TRPM3: variants seen among roughly 807,000 people sequenced by gnomAD.
TRPM3 encodes transient receptor potential cation channel subfamily M member 3, also known as long transient receptor potential channel 3.
Under a neutral mutation model 181.2 loss-of-function variants are expected in TRPM3, and 77 were observed. The ratio of observed to expected loss-of-function variants is 0.42; its 90% CI spans 0.35 to 0.51. The LOEUF (loss-of-function observed/expected upper bound fraction) is 0.51. Among genes scored for constraint, TRPM3 ranks in the 20% least tolerant of loss-of-function variants. The pLI, the probability that TRPM3 is intolerant of heterozygous loss-of-function variation, is 0.01. For synonymous variants in TRPM3, 745 were observed against 796.4 expected, an observed-to-expected ratio of 0.94 and a Z score of 1.09; for missense variants, 1,759 against 2,196.7, an observed-to-expected ratio of 0.80 and a Z score of 3.98.
intron 1 of TRPM3, among the ~76,000 whole-genome samples, chr9:71,104,195 T>G (rs2068996976): frequency 6.6e-6 from 1 of 152,134 alleles, no homozygotes; most frequent in Non-Finnish European, 1.5e-5. Context: ...GGATTACAGG[T>G]GTGAATCACC....
At chr9:71,110,784 A>G (rs1416813177) in intron 1 of TRPM3, among the ~76,000 whole-genome samples, 2 of 152,230 alleles carry the variant, frequency 1.3e-5, no homozygotes, top group Non-Finnish European at 2.9e-5. Context: ...TGCTGAAATT[A>G]ATGACTAAAA....
Position 70,965,954 on chromosome 9 carries a change from G to A in TRPM3, c.178-101443C>T, listed in dbSNP as rs114191795. On this transcript the variant is annotated intron_variant, in intron 1 of 25. Transcript: ENST00000677713. Reference sequence around the variant, plus strand: ...AAAACTATCAACAGAGTAAACAGACGCTACAGAATGGGAGAAAACTTTTGA... The same window carrying A: ...AAAACTATCAACAGAGTAAACAGACACTACAGAATGGGAGAAAACTTTTGA... 4.3e-3 allele frequency among the ~76,000 whole-genome samples: 645 copies of A among 151,188 alleles called. 3 individuals are homozygous for A. The highest frequency in any genetic ancestry group is 0.014 in the African/African-American group (594 of 41,226).
At chr9:70,996,466 G>A (rs554646487) in intron 1 of TRPM3, among the ~76,000 whole-genome samples, 62 of 152,320 alleles carry the variant, frequency 4.1e-4, no homozygotes, top group African/African-American at 1.4e-3. Context: ...AGACACTGAA[G>A]AACACTTGTT....
At chr9:71,418,876 G>GTA (rs1268504799) in intron 1 of TRPM3, among the ~76,000 whole-genome samples, 6 of 139,876 alleles carry the variant, frequency 4.3e-5, no homozygotes, top group East Asian at 2.1e-4. Flanking sequence ...GTATATATGT[G>GTA]TATATATATA....
At chr9:71,315,243 C>T (rs1225838353) in intron 1 of TRPM3, among the ~76,000 whole-genome samples, 1 of 152,102 alleles carries the variant, frequency 6.6e-6, no homozygotes, top group Admixed American at 6.6e-5. Flanking sequence ...GCCCACTCTA[C>T]AGGGGGTGGG....
At chr9:70,619,785 A>G (rs1367822346) in intron 16 of TRPM3, among the ~76,000 whole-genome samples, 1 of 152,086 alleles carries the variant, frequency 6.6e-6, no homozygotes, top group African/African-American at 2.4e-5. Flanking sequence ...GTGATCTTGG[A>G]CAGGTTACTT....
intron 1 of TRPM3, among the ~76,000 whole-genome samples, chr9:70,885,367 C>G (rs2096068247): frequency 1.3e-5 from 2 of 152,090 alleles, no homozygotes; most frequent in Admixed American, 6.6e-5. Context: ...TAATCATTGC[C>G]AAATGTCCCT....
chr9:71,217,102 T>C (rs890922435), intron 1 of TRPM3, among the ~76,000 whole-genome samples: 11 of 151,064 alleles, frequency 7.3e-5, no homozygotes, highest in South Asian at 6.3e-4. Context: ...AGGCGCCCGC[T>C]ACCACGCCCG....
At chr9:71,405,984 A>G (rs935979591) in intron 1 of TRPM3, among the ~76,000 whole-genome samples, 14 of 152,156 alleles carry the variant, frequency 9.2e-5, no homozygotes, top group Admixed American at 5.9e-4. Context: ...TCAAACAATA[A>G]AAAATTGGTG....
intron 6 of TRPM3, among the ~76,000 whole-genome samples, chr9:70,785,532 G>T (rs1174446311): frequency 6.6e-6 from 1 of 152,114 alleles, no homozygotes; most frequent in African/African-American, 2.4e-5. Context: ...TCAAAATTCT[G>T]TACTACTTCC....
intron 1 of TRPM3, among the ~76,000 whole-genome samples, chr9:70,918,700 CT>C (rs1433278884): frequency 7.2e-5 from 11 of 152,066 alleles, no homozygotes; most frequent in African/African-American, 2.4e-4. Flanking sequence ...AACAATGCAT[CT>C]TAAAGCAATA....
intron 1 of TRPM3, among the ~76,000 whole-genome samples, chr9:71,076,906 T>A (rs548147367): frequency 3.3e-5 from 5 of 152,304 alleles, no homozygotes; most frequent in Admixed American, 6.5e-5. Context: ...TTGTTTACCA[T>A]CCTTTCTCTA....
intron 1 of TRPM3, among the ~76,000 whole-genome samples, chr9:71,212,041 G>A (rs1486026974): frequency 1.3e-5 from 2 of 152,192 alleles, no homozygotes; most frequent in Admixed American, 6.5e-5. Context: ...TAGCTGGGAA[G>A]ACAGGGAGGT....
chr9:70,535,510 A>C lies in TRPM3; in HGVS notation c.*443T>G. 6.5e-7 allele frequency: 1 copy of C among 1,550,180 alleles called. No individual in the cohort carries two copies. ...AAAGAAAACAGAATGGAAGTTTAGA[A>C]TATCTCATTGTGTACGCTGGCTATT... On this transcript the variant is annotated 3_prime_UTR_variant, in exon 26 of 26. Transcript: ENST00000677713.
chr9:70,557,542 C>G (rs1046512649), intron 22 of TRPM3, among the ~76,000 whole-genome samples: 1 of 152,212 alleles, frequency 6.6e-6, no homozygotes, highest in African/African-American at 2.4e-5. Flanking sequence ...TGAAGATGAA[C>G]TGGTGCCTTA....
At chr9:70,853,922 T>C (rs1449696421) in intron 3 of TRPM3, among the ~76,000 whole-genome samples, 1 of 152,204 alleles carries the variant, frequency 6.6e-6, no homozygotes, top group Non-Finnish European at 1.5e-5. Context: ...AACCGAGGGA[T>C]AAAACACTTT....
intron 9 of TRPM3, among the ~76,000 whole-genome samples, chr9:70,651,167 T>C (rs531151788): frequency 6.6e-6 from 1 of 152,170 alleles, no homozygotes; most frequent in Non-Finnish European, 1.5e-5. Flanking sequence ...TTAATACTGA[T>C]CAAGCAGACA....
At chr9:70,611,732 G>A (rs776121876) in intron 18 of TRPM3, among the ~76,000 whole-genome samples, 8 of 152,194 alleles carry the variant, frequency 5.3e-5, no homozygotes, top group Non-Finnish European at 8.8e-5. Flanking sequence ...TTTTATGGAA[G>A]TTCCTGTGAA....
intron 1 of TRPM3, among the ~76,000 whole-genome samples, chr9:71,131,697 C>T (rs188434518): frequency 4.5e-4 from 68 of 152,224 alleles, no homozygotes; most frequent in African/African-American, 1.5e-3. Flanking sequence ...ACTCCAAAGC[C>T]TTAAAAAGTC....
Sources: gnomAD v4.1 joint callset for allele counts (sites outside exome capture counted in the v4.1 genomes callset) on GRCh38, gnomAD v4.1.1 for gene constraint, MANE v1.5 for transcripts, NCBI Gene and HGNC (gene_info 2026-07-23, HGNC 2026-07-21) for gene names.